The following NPAS2 variants were observed in gnomAD, a reference collection of about 807,000 sequenced individuals.
NPAS2 encodes neuronal PAS domain-containing protein 2.
A neutral mutation model predicts 107.5 loss-of-function variants in NPAS2; 23 were observed. The ratio of observed to expected loss-of-function variants is 0.21; its 90% CI spans 0.15 to 0.30. The LOEUF is 0.30. Ranked by LOEUF, NPAS2 falls within the 10% of genes least tolerant of loss-of-function variation. The probability of loss-of-function intolerance (pLI) is 1.00; values close to 1 mark genes in which losing one functional copy is unlikely to be tolerated. For synonymous variants in NPAS2, 403 were observed against 417.5 expected (o/e 0.97, Z 0.42); for missense variants, 756 against 1,043.3 (o/e 0.72, Z 3.79).
intron 3 of NPAS2, among the ~76,000 whole-genome samples, chr2:100,931,969 A>G (rs1683989122): frequency 6.6e-6 from 1 of 152,164 alleles, no homozygotes; most frequent in Admixed American, 6.5e-5. Context: ...TGCCTGGACC[A>G]TATGCATTCT....
chr2:100,854,262 T>C (rs1333409312), intron 1 of NPAS2, among the ~76,000 whole-genome samples: 2 of 148,804 alleles, frequency 1.3e-5, no homozygotes, highest in Non-Finnish European at 1.5e-5. Context: ...CTCCTAGGCA[T>C]GGAGTGGGAG....
chr2:100,946,319 A>G (rs1247274957), intron 5 of NPAS2, among the ~76,000 whole-genome samples: 13 of 152,088 alleles, frequency 8.5e-5, no homozygotes, highest in Non-Finnish European at 1.9e-4. Context: ...CAAGGGGGTC[A>G]TTGTCCCCTC....
rs771808940 is a variant in NPAS2 at position 100,968,441 on chromosome 2, G to T, written c.1055+13G>T. On this transcript the variant is annotated intron_variant, in intron 11 of 20. Coordinates refer to ENST00000335681, the MANE Select transcript of NPAS2 (RefSeq NM_002518.4). This position sits in a 1 kb window ranked among gnomAD's most constrained non-coding sequence, Gnocchi z 5.3. ...ACTCGGTGGTCAGGTACCGCGCACG[G>T]GCAGGGGTGCGGCTGCGTCCTTGTC... 3 of 1,611,636 alleles carry T rather than the reference G, an allele frequency of 1.9e-6. No homozygotes were observed. The highest frequency in any genetic ancestry group is 2.5e-6 in the Non-Finnish European group (3 of 1,178,368).
chr2:100,845,065 C>A (rs1007400379), intron 1 of NPAS2, among the ~76,000 whole-genome samples: 3 of 152,134 alleles, frequency 2.0e-5, no homozygotes, highest in Non-Finnish European at 4.4e-5. Context: ...TGCAAGCATG[C>A]CCTGATTGGA....
At chr2:100,899,223 C>CT (rs368357697) in intron 1 of NPAS2, among the ~76,000 whole-genome samples, 8,354 of 133,722 alleles carry the variant, frequency 0.062, 451 homozygotes, top group East Asian at 0.17. Flanking sequence ...TTATGGACTT[C>CT]TTTTTTTTTT....
Position 100,995,942 on chromosome 2 carries a change from C to T in NPAS2, c.*360C>T. 7.3e-7 allele frequency: 1 copy of T among 1,372,336 alleles called. No homozygotes were observed. The highest frequency in any genetic ancestry group is 1.2e-5 in the South Asian group (1 of 81,262). The allele number at this position is 1,372,336 out of a possible 1,614,324, so 85.0% of individuals were successfully genotyped here. A position where few individuals can be genotyped will look rare whatever the true frequency, so the allele number is the denominator to read the frequency against. On this transcript the variant is annotated 3_prime_UTR_variant, in exon 21 of 21. Transcript: ENST00000335681. ...CTCTAGCCACCTGCGGCCCGCCCAT[C>T]TGCGCTAGCTGGCCTTCACGCTCTT...
intron 2 of NPAS2, among the ~76,000 whole-genome samples, chr2:100,924,702 T>C (rs897747004): frequency 6.6e-6 from 1 of 151,532 alleles, no homozygotes; most frequent in Non-Finnish European, 1.5e-5. Context: ...ACATATGCAC[T>C]GGTGGCACAC....
At chr2:100,994,285 T>TACATCA in intron 20 of NPAS2, 1 of 152,390 alleles carries the variant, frequency 6.6e-6, no homozygotes, top group South Asian at 2.1e-4. Context: ...TTGAGTACTG[T>TACATCA]AGATAGTGAT....
rs568316566 is a variant in NPAS2 at position 100,839,079 on chromosome 2, T to C, written c.-23+18665T>C. On this transcript the variant is annotated intron_variant, in intron 1 of 20. Coordinates refer to ENST00000335681, the MANE Select transcript of NPAS2 (RefSeq NM_002518.4). ...CCCTCCTTTTCCTCCTCTTCCTCCT[T>C]CTTGGCCTACTCTACATGAAGATGA... is the stretch of plus-strand genomic sequence containing the variant. 1.6e-3 allele frequency among the ~76,000 whole-genome samples: 251 copies of C among 152,194 alleles called. 3 individuals are homozygous for C. Among genetic ancestry groups the C allele is most frequent in the African/African-American group, 5.9e-3 (244 of 41,534 alleles).
At chr2:100,906,716 G>A (rs1682173251) in intron 2 of NPAS2, among the ~76,000 whole-genome samples, 1 of 152,206 alleles carries the variant, frequency 6.6e-6, no homozygotes, top group Non-Finnish European at 1.5e-5. Flanking sequence ...TATTAGAAAT[G>A]ATGGAAAGAA....
intron 1 of NPAS2, among the ~76,000 whole-genome samples, chr2:100,889,663 A>T (rs1680927775): frequency 6.6e-6 from 1 of 152,058 alleles, no homozygotes; most frequent in Admixed American, 6.6e-5. Flanking sequence ...TAGTTTTATC[A>T]AGGTGGTGGG....
At chr2:100,891,356 G>A (rs1321416196) in intron 1 of NPAS2, among the ~76,000 whole-genome samples, 1 of 152,042 alleles carries the variant, frequency 6.6e-6, no homozygotes, top group Non-Finnish European at 1.5e-5. Flanking sequence ...CTCTGATGGT[G>A]CAACATGAGG....
rs374499293 is a variant in NPAS2 at position 100,913,774 on chromosome 2, C to T, written c.32+8988C>T. On this transcript the variant is annotated intron_variant, in intron 2 of 20. Coordinates refer to ENST00000335681, the MANE Select transcript of NPAS2 (RefSeq NM_002518.4). The stretch of plus-strand genomic sequence containing the variant: ...GGTGATGTATAAAATGTACCTGCAC[C>T]ACTATGCATGCGTTCTTGTGAATTT... Among the ~76,000 whole-genome samples the T allele has an allele frequency of 1.6e-4, 24 of 152,274 alleles. No homozygotes were observed. In the East Asian group the frequency reaches 2.9e-3, roughly 18 times the overall value.
chr2:100,982,096 G>A (rs190172514), intron 15 of NPAS2, 135 bp from the exon 16 acceptor site: 59 of 1,078,964 alleles, frequency 5.5e-5, no homozygotes, highest in African/African-American at 5.0e-4. Flanking sequence ...GGACCCAGCC[G>A]TGGGCTCCTT....
chr2:100,873,857 G>A (rs1029470032), intron 1 of NPAS2, among the ~76,000 whole-genome samples: 1 of 152,136 alleles, frequency 6.6e-6, no homozygotes, highest in Non-Finnish European at 1.5e-5. Flanking sequence ...CATCATAACT[G>A]TCTGTAGCTT....
At chr2:100,853,595 C>T (rs1230111314) in intron 1 of NPAS2, among the ~76,000 whole-genome samples, 1 of 152,216 alleles carries the variant, frequency 6.6e-6, no homozygotes, top group Non-Finnish European at 1.5e-5. Context: ...TGTTTTAGAA[C>T]AGGCTTTTCA....
chr2:100,905,240 G>A (rs975206673), intron 2 of NPAS2, among the ~76,000 whole-genome samples: 1 of 152,068 alleles, frequency 6.6e-6, no homozygotes, highest in Non-Finnish European at 1.5e-5. Context: ...ACCCAGCACT[G>A]TGCTAAGCAC....
intron 1 of NPAS2, among the ~76,000 whole-genome samples, chr2:100,873,147 A>T (rs114700699): frequency 0.029 from 4,380 of 150,282 alleles, 106 homozygotes; most frequent in Non-Finnish European, 0.045. Context: ...TACTAAAATT[A>T]AAAAAATTAG....
At chr2:100,954,605 C>T (rs1480201580) in intron 7 of NPAS2, among the ~76,000 whole-genome samples, 2 of 141,270 alleles carry the variant, frequency 1.4e-5, no homozygotes, top group African/African-American at 5.4e-5. Flanking sequence ...GCGGAGGTTG[C>T]AGTGAGTGGA....
Sources: gnomAD v4.1 joint callset for allele counts (sites outside exome capture counted in the v4.1 genomes callset) on GRCh38, gnomAD v4.1.1 for gene constraint, Gnocchi (gnomAD v3.1) non-coding constraint, MANE v1.5 for transcripts, NCBI Gene and HGNC (gene_info 2026-07-23, HGNC 2026-07-21) for gene names.